ALDOB: variants seen among roughly 807,000 people sequenced by gnomAD.
The protein encoded by ALDOB is aldolase, fructose-bisphosphate B, also known as fructose-bisphosphate aldolase B.
Under a neutral mutation model 41.0 loss-of-function variants are expected in ALDOB, and 39 were observed. The observed-to-expected ratio is 0.95, with a 90% CI of 0.74 to 1.24. ALDOB has a LOEUF of 1.24. ALDOB is among the 50% of genes most tolerant of loss of function. The pLI, the probability that ALDOB is intolerant of heterozygous loss-of-function variation, is 0.00. For missense variants in ALDOB, 530 were observed against 457.3 expected, an observed-to-expected ratio of 1.16 and a Z score of -1.45; for synonymous variants, 175 against 168.8, an observed-to-expected ratio of 1.04 and a Z score of -0.28.
chr9:101,426,218 ATCT>A (rs967104484), intron 6 of ALDOB, among the ~76,000 whole-genome samples: 14 of 152,204 alleles, frequency 9.2e-5, no homozygotes, highest in African/African-American at 3.1e-4. Flanking sequence ...TTCTAATTAC[ATCT>A]TCTCATTTGA....
chr9:101,425,658 C>T (rs755991230), intron 6 of ALDOB, 31 bp from the exon 7 acceptor site: 9 of 1,612,974 alleles, frequency 5.6e-6, no homozygotes, highest in Non-Finnish European at 7.6e-6. Flanking sequence ...CCAGGTGAAA[C>T]TCAAAGCTAG....
At chr9:101,429,170 C>CT (rs757424158) in intron 3 of ALDOB, among the ~76,000 whole-genome samples, 2,972 of 125,882 alleles carry the variant, frequency 0.024, 44 homozygotes, top group Non-Finnish European at 0.035. Context: ...GGATCTTACT[C>CT]TTTTTTTTTT....
chr9:101,432,323 A>G (rs992725720), intron 1 of ALDOB, among the ~76,000 whole-genome samples: 32 of 152,194 alleles, frequency 2.1e-4, no homozygotes, highest in Non-Finnish European at 3.8e-4. Context: ...ATGACCTTCT[A>G]AGGCCCATTA....
Position 101,425,458 on chromosome 9 carries a change from A to T in ALDOB, c.794T>A (p.Val265Asp). Residue 265 changes from valine (V) to aspartate (D), a missense_variant, in exon 7 of 9, where the codon GTT (valine) becomes GAT (aspartate). Transcript: ENST00000647789. ...GAGAAGAAAGAAGGCCTTACCAGGA[A>T]CAGCTGCAGGAACAGTACGGTGGAG... ...TALHRTVPAA[V>D]PGICFLSGGM... is the part of the protein sequence containing the mutation. 5.6e-6 allele frequency: 9 copies of T among 1,614,176 alleles called. No homozygotes were observed. The highest frequency in any genetic ancestry group is 7.6e-6 in the Non-Finnish European group (9 of 1,180,028).
intron 1 of ALDOB, 109 bp from the exon 2 acceptor site, chr9:101,431,006 T>G: frequency 3.9e-6 from 3 of 761,218 alleles, no homozygotes; most frequent in South Asian, 1.5e-5. Flanking sequence ...CTGTGACACC[T>G]CTGACCCATT....
rs77718928 is a variant in ALDOB at position 101,421,891 on chromosome 9, G to A, written c.1013C>T (p.Ala338Val). ...CGTGTGAACATACTGTCCTTTGGCC[G>A]CCTGGCAGTTAGCCTAGAAGACAAA... ...FMKRAMANCQ[A>V]AKGQYVHTGS... Residue 338 changes from alanine (A) to valine (V), a missense_variant, in exon 9 of 9, where the codon GCG becomes GTG. Physicochemically the swap from Ala to Val is moderately conservative, Grantham distance 64 (BLOSUM62 0). Transcript: ENST00000647789. 8.3e-5 allele frequency: 134 copies of A among 1,613,818 alleles called. No individual in the cohort carries two copies. Among genetic ancestry groups the A allele is most frequent in the Middle Eastern group, 8.2e-4 (5 of 6,062 alleles).
At chr9:101,427,261 G>A (rs184153664) in intron 5 of ALDOB, among the ~76,000 whole-genome samples, 71 of 152,258 alleles carry the variant, frequency 4.7e-4, no homozygotes, top group Non-Finnish European at 9.0e-4. Flanking sequence ...GCAGTTGATG[G>A]CATTATCCTT....
intron 2 of ALDOB, 33 bp downstream of exon 2, chr9:101,430,740 ATGT>A (rs1405878219): frequency 2.7e-6 from 4 of 1,465,536 alleles, no homozygotes; most frequent in East Asian, 4.5e-5. Flanking sequence ...AAAAAATAAT[ATGT>A]TGTTATATGA....
At chr9:101,428,297 G>A (rs1382222489) in intron 4 of ALDOB, among the ~76,000 whole-genome samples, 172 bp downstream of exon 4, 1 of 152,198 alleles carries the variant, frequency 6.6e-6, no homozygotes, top group Non-Finnish European at 1.5e-5. Context: ...ATATTTCAGT[G>A]ACTGGCCCAA....
Position 101,430,880 on chromosome 9 carries a change from T to A in ALDOB, c.8A>T (p.His3Leu). 1 of 1,613,268 alleles carries A rather than the reference T, an allele frequency of 6.2e-7. No individual in the cohort carries two copies. The highest frequency in any genetic ancestry group is 1.1e-5 in the South Asian group (1 of 91,056). ...CTCCTGGGTGAGGGCTGGAAATCGG[T>A]GGGCCATGGTGACAGGTCTGGAAAA... MA[H>L]RFPALTQEQK... The change falls in exon 2 of 9, where the codon CAC (histidine) becomes CTC (leucine). Residue 3 changes from histidine (H) to leucine (L), a missense_variant. Coordinates refer to ENST00000647789, the MANE Select transcript of ALDOB (RefSeq NM_000035.4).
At chr9:101,430,701 G>T in intron 2 of ALDOB, 75 bp downstream of exon 2, 2 of 1,114,366 alleles carry the variant, frequency 1.8e-6, no homozygotes, top group South Asian at 1.3e-5. Context: ...TAAAGAATAT[G>T]ATTATCAAGT....
In ALDOB at chr9:101,425,048, A is replaced by G. The variant is rs763222245; in HGVS notation, c.800-6T>C. The G allele has an allele frequency of 3.1e-6, 5 of 1,614,158 alleles. No homozygotes were observed. The South Asian group carries it at 3.3e-5, about 11-fold the overall frequency. On this transcript the variant is annotated splice_region_variant and splice_polypyrimidine_tract_variant and intron_variant, in intron 7 of 8. Transcript: ENST00000647789. The stretch of plus-strand genomic sequence containing the variant: ...ACCAGACAAAAAGCAGATGCCTGGT[A>G]GGAGAGAAGCCATTTCACTCTATTA...
intron 3 of ALDOB, among the ~76,000 whole-genome samples, chr9:101,428,960 A>C (rs1564078565): frequency 6.6e-6 from 1 of 152,332 alleles, no homozygotes; most frequent in East Asian, 1.9e-4. Flanking sequence ...TATGAGAATT[A>C]AATGAATGCT....
Position 101,423,015 on chromosome 9 carries a change from G to A in ALDOB, c.1000-1111C>T, listed in dbSNP as rs145544008. Among the ~76,000 whole-genome samples the A allele has an allele frequency of 8.5e-4, 130 of 152,252 alleles. 1 individual carries two copies. The highest frequency in any genetic ancestry group is 3.1e-3 in the African/African-American group (128 of 41,562). On this transcript the variant is annotated intron_variant, in intron 8 of 8. Coordinates refer to ENST00000647789, the MANE Select transcript of ALDOB (RefSeq NM_000035.4). Reference sequence around the variant, plus strand: ...TCAGCTTCCCTTCTTCTGTGTGGATGTCCCTGATGACCTGCGCTTTCACAA... The same window carrying A: ...TCAGCTTCCCTTCTTCTGTGTGGATATCCCTGATGACCTGCGCTTTCACAA...
At chr9:101,426,061 T>C (rs565761278) in intron 6 of ALDOB, among the ~76,000 whole-genome samples, 1 of 152,246 alleles carries the variant, frequency 6.6e-6, no homozygotes, top group Admixed American at 6.5e-5. Context: ...GCTCTTAGAT[T>C]GCATTTCAGT....
Position 101,429,784 on chromosome 9 carries a change from T to C in ALDOB, c.295A>G (p.Lys99Glu), listed in dbSNP as rs781126536. ...ATTCCCACCACGATCCCCTTTTCCT[T>C]GAGGATGTTTCTGAACAGCTTTCCC... ...SQGKLFRNIL[K>E]EKGIVVGIKL... The change falls in exon 3 of 9, where the codon AAG becomes GAG. Residue 99 changes from lysine (K) to glutamate (E), a missense_variant. Physicochemically the swap from Lys to Glu is moderately conservative, Grantham distance 56. Coordinates refer to ENST00000647789, the MANE Select transcript of ALDOB (RefSeq NM_000035.4). The C allele has an allele frequency of 8.1e-6, 13 of 1,613,980 alleles. No homozygotes were observed. In the East Asian group the frequency reaches 2.7e-4, roughly 33 times the overall value.
intron 5 of ALDOB, among the ~76,000 whole-genome samples, chr9:101,427,028 T>G (rs1385658175): frequency 6.6e-6 from 1 of 152,148 alleles, no homozygotes; most frequent in African/African-American, 2.4e-5. Context: ...AAATCAAACT[T>G]AACTCGGACC....
At position 101,429,657 on chromosome 9, in the gene ALDOB, G is replaced by A. The variant is rs946459794; in HGVS notation, c.324+98C>T. The A allele has an allele frequency of 2.7e-6, 3 of 1,128,162 alleles. No homozygotes were observed. The African/African-American group carries it at 4.6e-5, about 17-fold the overall frequency. 69.9% of individuals were successfully genotyped at this position (1,128,162 alleles called of 1,614,324 possible). A position where few individuals can be genotyped will look rare whatever the true frequency, so the allele number is the denominator to read the frequency against. On this transcript the variant is annotated intron_variant, in intron 3 of 8. Transcript: ENST00000647789. ...TGGAAAAGGGTGAGAAGAGAAATTT[G>A]ATGAGGAGAATGTTCAGAGTGTTGG...
chr9:101,433,973 T>C (rs1206341961), intron 1 of ALDOB, among the ~76,000 whole-genome samples: 1 of 152,062 alleles, frequency 6.6e-6, no homozygotes, highest in African/African-American at 2.4e-5. Context: ...AGTCTTGCTA[T>C]GTTGCCCAGG....
Sources: gnomAD v4.1 joint callset for allele counts (sites outside exome capture counted in the v4.1 genomes callset) on GRCh38, gnomAD v4.1.1 for gene constraint, MANE v1.5 for transcripts, NCBI Gene and HGNC (gene_info 2026-07-23, HGNC 2026-07-21) for gene names.